SLC16A12: variants seen among roughly 807,000 people sequenced by gnomAD.
The protein encoded by SLC16A12 is solute carrier family 16 member 12.
A neutral mutation model predicts 42.4 loss-of-function variants in SLC16A12; 17 were observed. The ratio of observed to expected loss-of-function variants is 0.40; its 90% confidence interval spans 0.27 to 0.60. SLC16A12 has a LOEUF of 0.60. SLC16A12 is among the 20% of genes least tolerant of loss of function. The pLI is 0.42. For missense variants in SLC16A12, 544 were observed against 623.0 expected (o/e 0.87, Z 1.35); for synonymous variants, 224 against 229.4 (o/e 0.98, Z 0.21).
Position 89,462,438 on chromosome 10 carries a change from C to A in SLC16A12, c.141G>T (p.Trp47Cys). The A allele has an allele frequency of 6.2e-7, 1 of 1,614,058 alleles. No homozygotes were observed. Among genetic ancestry groups the A allele is most frequent in the Non-Finnish European group, 8.5e-7 (1 of 1,179,944 alleles). The change falls in exon 3 of 8, where the codon TGG becomes TGT. Residue 47 changes from tryptophan (W) to cysteine (C), a missense_variant. Physicochemically the swap from Trp to Cys is radical, Grantham distance 215. Transcript: ENST00000371790. ...ARSTSPPDGG[W>C]GWMIVAGCFL... is the part of the protein sequence containing the mutation. ...AACAGCCAGCCACAATCATCCAGCC[C>A]CAGCCTCCATCTGGAGGGGAGGTAG...
rs1841712450 is a variant in SLC16A12 at position 89,432,669 on chromosome 10, T to C, written c.*395A>G. ...AGGTAAGCAAAGCTACACGTTAATG[T>C]TTCCATTTTCTTTCTGAGGAGGGAA... On this transcript the variant is annotated 3_prime_UTR_variant, in exon 8 of 8. Coordinates refer to ENST00000371790, the MANE Select transcript of SLC16A12 (RefSeq NM_213606.4). The C allele has an allele frequency of 5.4e-6, 1 of 184,974 alleles. No homozygotes were observed. Among genetic ancestry groups the C allele is most frequent in the South Asian group, 1.1e-4 (1 of 9,154 alleles). The allele number at this position is 184,974 out of a possible 1,614,324, so 11.5% of individuals were successfully genotyped here.
At chr10:89,540,634 C>T (rs1296608614) in intron 2 of SLC16A12, among the ~76,000 whole-genome samples, 2 of 152,166 alleles carry the variant, frequency 1.3e-5, no homozygotes, top group African/African-American at 4.8e-5. Flanking sequence ...TTTTCACTTG[C>T]ATTCTCCCTA....
intron 1 of SLC16A12, among the ~76,000 whole-genome samples, chr10:89,534,926 T>A (rs1161910997): frequency 6.6e-6 from 1 of 152,046 alleles, no homozygotes; most frequent in Non-Finnish European, 1.5e-5. Context: ...TGCTTCAAAA[T>A]TTTGTTACGA....
At position 89,506,404 on chromosome 10, in the gene SLC16A12, A is replaced by T. The variant is rs531796482; in HGVS notation, c.-47+28097T>A. The stretch of plus-strand genomic sequence containing the variant: ...CAGGCAGCAATATTTGCTGTTCCGC[A>T]GCCTCCGCTGGTGATACCTGGCAAA... On this transcript the variant is annotated intron_variant, in intron 2 of 7. Coordinates refer to ENST00000371790, the MANE Select transcript of SLC16A12 (RefSeq NM_213606.4). 1.2e-4 allele frequency among the ~76,000 whole-genome samples: 19 copies of T among 152,346 alleles called. No homozygotes were observed. In the East Asian group the frequency reaches 3.1e-3, roughly 25 times the overall value.
intron 5 of SLC16A12, among the ~76,000 whole-genome samples, chr10:89,440,459 T>C (rs11203126): frequency 0.13 from 19,680 of 152,204 alleles, 1,411 homozygotes; most frequent in South Asian, 0.31. Flanking sequence ...GCCACACCAA[T>C]GGCACAATGC....
chr10:89,477,564 C>CAAAA (rs34204051), intron 2 of SLC16A12, among the ~76,000 whole-genome samples: 56 of 49,204 alleles, frequency 1.1e-3, no homozygotes, highest in African/African-American at 2.8e-3. Flanking sequence ...AACTCTGTCT[C>CAAAA]AAAAAAAAAA....
In SLC16A12 at chr10:89,439,183, C is replaced by G; in HGVS notation, c.449G>C (p.Gly150Ala). ...AGAGTAACAAAGTGCAAATCCAAGA[C>G]CTGAGGATAAAGAGAACTCTATGAG... ...HLYLTLGVLT[G>A]LGFALCYSPA... The change falls in exon 6 of 8, where the codon GGT becomes GCT. Residue 150 changes from glycine to alanine, a missense_variant and splice_region_variant. Coordinates refer to ENST00000371790, the MANE Select transcript of SLC16A12 (RefSeq NM_213606.4). The G allele has an allele frequency of 6.2e-7, 1 of 1,613,968 alleles. No individual in the cohort carries two copies. The highest frequency in any genetic ancestry group is 8.5e-7 in the Non-Finnish European group (1 of 1,179,950).
intron 2 of SLC16A12, among the ~76,000 whole-genome samples, chr10:89,521,550 T>C (rs1210496891): frequency 2.0e-5 from 3 of 152,200 alleles, no homozygotes; most frequent in African/African-American, 7.2e-5. Context: ...GACACCACAC[T>C]GAGTCCTACT....
At chr10:89,484,715 G>A (rs181705178) in intron 2 of SLC16A12, among the ~76,000 whole-genome samples, 40 of 152,184 alleles carry the variant, frequency 2.6e-4, no homozygotes, top group Non-Finnish European at 5.3e-4. Context: ...AGTTGCATAC[G>A]TTTTACTTGT....
chr10:89,498,875 G>A (rs1263550845), intron 2 of SLC16A12, among the ~76,000 whole-genome samples: 2 of 152,172 alleles, frequency 1.3e-5, no homozygotes, highest in East Asian at 3.9e-4. Flanking sequence ...ATCCAAAAGA[G>A]AGATAACAAT....
intron 2 of SLC16A12, among the ~76,000 whole-genome samples, chr10:89,531,227 T>TA (rs75288911): frequency 0.056 from 7,904 of 141,856 alleles, 408 homozygotes; most frequent in East Asian, 0.29. Flanking sequence ...CTGTCTCTAC[T>TA]AAAAAAAAAA....
rs1021903190 is a variant in SLC16A12, at chr10:89,432,976, C to T, written c.*88G>A. The stretch of plus-strand genomic sequence containing the variant: ...ATAATTTCCTTGGAAGGCAATCCTT[C>T]TGCCAAAATAAAAAGTTTCAGAAAC... On this transcript the variant is annotated 3_prime_UTR_variant, in exon 8 of 8. Transcript: ENST00000371790. 1 of 1,540,872 alleles carries T rather than the reference C, an allele frequency of 6.5e-7. No homozygotes were observed. The highest frequency in any genetic ancestry group is 1.4e-5 in the African/African-American group (1 of 71,940).
At chr10:89,539,009 A>G (rs573523358), upstream of SLC16A12, among the ~76,000 whole-genome samples, 40 of 152,262 alleles carry the variant, frequency 2.6e-4, no homozygotes, top group South Asian at 6.0e-3. Context: ...TTTAGTAAGA[A>G]TCCTGTTAGG....
chr10:89,556,121 C>T (rs1485821134), intron 1 of SLC16A12: 1 of 152,146 alleles, frequency 6.6e-6, no homozygotes, highest in East Asian at 1.9e-4. Flanking sequence ...GTCAGCATCA[C>T]ATAGATCAAT....
intron 2 of SLC16A12, among the ~76,000 whole-genome samples, chr10:89,527,519 G>A (rs1425257897): frequency 6.6e-6 from 1 of 151,708 alleles, no homozygotes; most frequent in Non-Finnish European, 1.5e-5. Flanking sequence ...ATAAGGGGCT[G>A]GCATGGTAGC....
intron 2 of SLC16A12, among the ~76,000 whole-genome samples, chr10:89,483,631 G>A (rs529377811): frequency 2.6e-5 from 4 of 151,718 alleles, no homozygotes; most frequent in African/African-American, 7.3e-5. Context: ...ATAGGCTAAG[G>A]CAGGAGGATA....
chr10:89,488,213 T>C (rs1842792837), intron 2 of SLC16A12, among the ~76,000 whole-genome samples: 1 of 151,996 alleles, frequency 6.6e-6, no homozygotes, highest in Non-Finnish European at 1.5e-5. Flanking sequence ...AACCTGCACA[T>C]GTATTCCCTG....
At chr10:89,441,283 A>C in intron 4 of SLC16A12, 32 bp from the exon 5 acceptor site, 1 of 1,613,446 alleles carries the variant, frequency 6.2e-7, no homozygotes, top group Non-Finnish European at 8.5e-7. Context: ...GGTTCAACAG[A>C]AAGGCCTTGA....
chr10:89,465,200 A>C (rs151138347), intron 2 of SLC16A12, among the ~76,000 whole-genome samples: 1 of 152,344 alleles, frequency 6.6e-6, no homozygotes, highest in East Asian at 1.9e-4. Flanking sequence ...TTAGATAATG[A>C]AGCAGCAGAA....
Sources: gnomAD v4.1 joint callset for allele counts (sites outside exome capture counted in the v4.1 genomes callset) on GRCh38, gnomAD v4.1.1 for gene constraint, MANE v1.5 for transcripts, NCBI Gene and HGNC (gene_info 2026-07-23, HGNC 2026-07-21) for gene names.